The following ATP11C variants were observed in gnomAD, a reference collection of about 807,000 sequenced individuals.
The protein encoded by ATP11C is ATPase phospholipid transporting 11C (ATP11C blood group), also known as phospholipid-transporting ATPase IG.
A neutral mutation model predicts 97.4 loss-of-function variants in ATP11C; 36 were observed. The ratio of observed to expected loss-of-function variants is 0.37; its 90% confidence interval spans 0.28 to 0.49. The LOEUF (loss-of-function observed/expected upper bound fraction) is 0.49, where lower values mean the gene tolerates loss of function less well. Among genes scored for constraint, ATP11C ranks in the 20% least tolerant of loss-of-function variants. The pLI is 0.98. For missense variants in ATP11C, 730 were observed against 824.6 expected (o/e 0.89, Z 1.40); for synonymous variants, 275 against 290.9 (o/e 0.95, Z 0.56).
intron 25 of ATP11C, 59 bp downstream of exon 25, chrX:139,745,663 T>C (rs2081666141): frequency 8.8e-7 from 1 of 1,142,018 alleles, no homozygotes. Flanking sequence ...CCAGCACCTA[T>C]GGGAAAAAGA....
chrX:139,741,561 G>A (rs79891357), intron 26 of ATP11C, among the ~76,000 whole-genome samples: 8 of 111,416 alleles, frequency 7.2e-5, no homozygotes, highest in South Asian at 3.8e-4. Flanking sequence ...CAAAGGTGTC[G>A]TGAAAGCTCA....
chrX:139,917,435 T>C (rs1185388909), intron 1 of ATP11C, among the ~76,000 whole-genome samples: 1 of 111,634 alleles, frequency 9.0e-6, no homozygotes, highest in African/African-American at 3.3e-5. Context: ...AAATCATATA[T>C]TTCATAAGGA....
intron 1 of ATP11C, among the ~76,000 whole-genome samples, chrX:139,828,788 T>C (rs1414964656): frequency 1.8e-5 from 2 of 111,761 alleles, no homozygotes; most frequent in Non-Finnish European, 3.8e-5. Context: ...GCTGTCAATA[T>C]AGATTTTTCC....
chrX:139,730,427 T>A (rs2772193), intron 29 of ATP11C, among the ~76,000 whole-genome samples: 2 of 110,713 alleles, frequency 1.8e-5, no homozygotes, highest in Non-Finnish European at 3.8e-5. Flanking sequence ...GAAAACATAC[T>A]CAGGTAAGTT....
chrX:139,798,478 T>C, intron 9 of ATP11C, 124 bp from the exon 10 acceptor site: 2 of 512,234 alleles, frequency 3.9e-6, no homozygotes, highest in Non-Finnish European at 6.4e-6. Flanking sequence ...TCACCAGTTG[T>C]ATATCATTTA....
chrX:139,738,980 T>C (rs1018097922), intron 27 of ATP11C, among the ~76,000 whole-genome samples: 2 of 111,680 alleles, frequency 1.8e-5, no homozygotes, highest in African/African-American at 3.3e-5. Context: ...TTAATGTCTA[T>C]GCACCCTTAT....
chrX:139,874,197 C>A (rs1299370195), intron 1 of ATP11C, among the ~76,000 whole-genome samples: 1 of 105,621 alleles, frequency 9.5e-6, no homozygotes, highest in Non-Finnish European at 1.9e-5. Flanking sequence ...CGTGTGCCAC[C>A]ATGCCTGGCT....
chrX:139,773,761 C>T (rs778016207), intron 19 of ATP11C, among the ~76,000 whole-genome samples: 51 of 112,151 alleles, frequency 4.5e-4, no homozygotes, highest in South Asian at 1.5e-3. Context: ...TAAACATTAG[C>T]GATGAGGATA....
At chrX:139,824,477 G>A (rs1005354691) in intron 2 of ATP11C, among the ~76,000 whole-genome samples, 1 of 111,759 alleles carries the variant, frequency 8.9e-6, no homozygotes, top group Non-Finnish European at 1.9e-5. Flanking sequence ...CAAGGCAGGC[G>A]GATCACGAGA....
At chrX:139,839,078 T>A (rs780753380) in intron 1 of ATP11C, among the ~76,000 whole-genome samples, 11 of 112,434 alleles carry the variant, frequency 9.8e-5, no homozygotes, top group East Asian at 2.8e-4. Context: ...TTCCACAATG[T>A]GAATGAATCT....
intron 23 of ATP11C, among the ~76,000 whole-genome samples, chrX:139,752,272 A>C (rs1401997636): frequency 9.0e-6 from 1 of 111,428 alleles, no homozygotes; most frequent in Admixed American, 9.6e-5. Context: ...CCAACATAAT[A>C]TATTTGATTG....
intron 1 of ATP11C, among the ~76,000 whole-genome samples, chrX:139,848,998 C>A (rs1327197913): frequency 8.9e-6 from 1 of 111,902 alleles, no homozygotes; most frequent in Non-Finnish European, 1.9e-5. Flanking sequence ...TCATCTGACT[C>A]TCCACTTACC....
intron 1 of ATP11C, among the ~76,000 whole-genome samples, chrX:139,882,888 T>C (rs1379089871): frequency 9.0e-6 from 1 of 111,613 alleles, no homozygotes; most frequent in Non-Finnish European, 1.9e-5. Flanking sequence ...AGGAGTGGTA[T>C]GTGCCTGAAG....
chrX:139,912,254 A>G (rs1411336761), intron 1 of ATP11C, among the ~76,000 whole-genome samples: 1 of 110,408 alleles, frequency 9.1e-6, no homozygotes, highest in Non-Finnish European at 1.9e-5. Flanking sequence ...AAAGCTCAAA[A>G]TAAGAAAGCT....
intron 1 of ATP11C, among the ~76,000 whole-genome samples, chrX:139,906,640 G>A (rs1042420246): frequency 2.8e-5 from 3 of 108,774 alleles, no homozygotes; most frequent in Non-Finnish European, 3.8e-5. Flanking sequence ...AAATTAGCCC[G>A]GTGCCGTAGC....
At chrX:139,753,984 C>G (rs1194675284) in intron 23 of ATP11C, among the ~76,000 whole-genome samples, 1 of 110,509 alleles carries the variant, frequency 9.0e-6, no homozygotes, top group Non-Finnish European at 1.9e-5. Flanking sequence ...CAGAGCTGAA[C>G]TGAGGGAAAC....
intron 1 of ATP11C, among the ~76,000 whole-genome samples, chrX:139,889,466 G>T (rs1043187015): frequency 1.8e-5 from 2 of 111,748 alleles, no homozygotes; most frequent in African/African-American, 6.5e-5. Context: ...TTAGGTGACA[G>T]AAAATTTGAT....
At chrX:139,930,804 G>A (rs1009901674) in intron 1 of ATP11C, among the ~76,000 whole-genome samples, 2 of 112,304 alleles carry the variant, frequency 1.8e-5, no homozygotes, top group Non-Finnish European at 3.7e-5. Flanking sequence ...GGATGTGCAA[G>A]TATTACTTTT....
intron 1 of ATP11C, among the ~76,000 whole-genome samples, chrX:139,927,775 T>C (rs2085375310): frequency 9.0e-6 from 1 of 111,106 alleles, no homozygotes; most frequent in Non-Finnish European, 1.9e-5. Context: ...ATGGTCAGTA[T>C]AGCTTTCGGC....
Sources: gnomAD v4.1 joint callset for allele counts (sites outside exome capture counted in the v4.1 genomes callset) on GRCh38, gnomAD v4.1.1 for gene constraint, MANE v1.5 for transcripts, NCBI Gene and HGNC (gene_info 2026-07-23, HGNC 2026-07-21) for gene names.